The following MYO16 variants were observed in gnomAD, a reference collection of about 807,000 sequenced individuals.
MYO16 encodes myosin XVI.
Under a neutral mutation model 205.3 loss-of-function variants are expected in MYO16, and 94 were observed. That is an observed-to-expected ratio of 0.46 (90% CI 0.39 to 0.54). The LOEUF (loss-of-function observed/expected upper bound fraction) is 0.54. Ranked by LOEUF, MYO16 falls within the 20% of genes least tolerant of loss-of-function variation. The probability of loss-of-function intolerance (pLI) is 0.00; values close to 1 mark genes in which losing one functional copy is unlikely to be tolerated. For missense variants in MYO16, 2,315 were observed against 2,387.5 expected (o/e 0.97, Z 0.63); for synonymous variants, 988 against 954.0 (o/e 1.04, Z -0.66).
At chr13:108,907,732 T>C (rs562219995) in intron 15 of MYO16, among the ~76,000 whole-genome samples, 1 of 152,232 alleles carries the variant, frequency 6.6e-6, no homozygotes, top group Non-Finnish European at 1.5e-5. Flanking sequence ...ACCAGGTTGA[T>C]TAATAATTAC....
intron 1 of MYO16, among the ~76,000 whole-genome samples, chr13:108,645,278 G>A (rs1461309592): frequency 2.0e-5 from 3 of 152,192 alleles, no homozygotes; most frequent in African/African-American, 4.8e-5. Context: ...AAGAGATTGA[G>A]TCATCAATAG....
chr13:109,144,286 AT>A (rs1433205524), intron 32 of MYO16, among the ~76,000 whole-genome samples: 1 of 152,128 alleles, frequency 6.6e-6, no homozygotes, highest in Non-Finnish European at 1.5e-5. Context: ...AAGTGCTGGG[AT>A]TACAGACGTG....
chr13:109,007,539 C>CGT (rs71125360), intron 21 of MYO16, among the ~76,000 whole-genome samples: 1,642 of 133,664 alleles, frequency 0.012, 23 homozygotes, highest in African/African-American at 0.028. Flanking sequence ...AGAAATCAGC[C>CGT]GTGTGTGTGT....
At chr13:108,603,073 A>G (rs1031216358) in intron 1 of MYO16, among the ~76,000 whole-genome samples, 1 of 152,226 alleles carries the variant, frequency 6.6e-6, no homozygotes, top group African/African-American at 2.4e-5. Context: ...AAAATGAATT[A>G]TGAGGGATTT....
At position 109,206,655 on chromosome 13, in the gene MYO16, A is replaced by C; in HGVS notation, c.5462A>C (p.Gln1821Pro). Residue 1821 changes from glutamine (Q) to proline (P), a missense_variant, in exon 35 of 35, where the codon CAG (glutamine) becomes CCG (proline). Coordinates refer to ENST00000457511, the MANE Select transcript of MYO16 (RefSeq NM_001198950.3). The part of the protein sequence containing the change: ...RLSENESVAL[Q>P]ELLDWRRKLC... ...TCAGAGAATGAAAGTGTGGCCCTGC[A>C]GGAACTCTTGGACTGGAGGAGAAAG... is the stretch of plus-strand genomic sequence containing the variant. 1 of 1,614,118 alleles carries C rather than the reference A, an allele frequency of 6.2e-7. No individual in the cohort carries two copies.
intron 4 of MYO16, among the ~76,000 whole-genome samples, chr13:108,765,985 G>A (rs1214969180): frequency 6.6e-6 from 1 of 152,114 alleles, no homozygotes; most frequent in African/African-American, 2.4e-5. Context: ...ATAAAAATGT[G>A]TCATCACAAA....
At chr13:109,048,377 G>A (rs1436442890) in intron 24 of MYO16, 4 of 744,476 alleles carry the variant, frequency 5.4e-6, no homozygotes, top group Non-Finnish European at 1.0e-5. Flanking sequence ...AATTTACAAT[G>A]TACCCTTTTG....
At chr13:108,940,477 G>A (rs770020872) in intron 16 of MYO16, among the ~76,000 whole-genome samples, 1 of 152,118 alleles carries the variant, frequency 6.6e-6, no homozygotes, top group Non-Finnish European at 1.5e-5. Flanking sequence ...TAACAATTCT[G>A]CAAATGCACT....
rs547857192 is a variant in MYO16 at position 108,977,960 on chromosome 13, G to A, written c.2369+13058G>A. ...TTTAGGCTATTGATTTTTTTCTTCC[G>A]CAAATATATTTCAACATTTATTATT... On this transcript the variant is annotated intron_variant, in intron 20 of 34. Transcript: ENST00000457511. Among the ~76,000 whole-genome samples, 19 of 151,550 alleles carry A rather than the reference G, an allele frequency of 1.3e-4. No individual in the cohort carries two copies. In the South Asian group the frequency reaches 1.9e-3, roughly 15 times the overall value.
At chr13:108,607,026 C>A (rs530373603) in intron 1 of MYO16, among the ~76,000 whole-genome samples, 318 of 152,232 alleles carry the variant, frequency 2.1e-3, no homozygotes, top group African/African-American at 7.2e-3. Context: ...GGTCTGTAAC[C>A]CCTTTGTTTT....
chr13:108,847,844 T>C (rs1877600954), intron 10 of MYO16, among the ~76,000 whole-genome samples: 1 of 152,078 alleles, frequency 6.6e-6, no homozygotes, highest in Admixed American at 6.5e-5. Context: ...ACCTCCTGGG[T>C]TTTTTCATTT....
At chr13:108,728,775 C>G (rs1485275116) in intron 4 of MYO16, among the ~76,000 whole-genome samples, 1 of 149,642 alleles carries the variant, frequency 6.7e-6, no homozygotes, top group African/African-American at 2.5e-5. Context: ...CCTTATTCCC[C>G]AATAAGATCG....
the MYO16 span, among the ~76,000 whole-genome samples, chr13:108,567,496 G>A: frequency 2.6e-5 from 4 of 152,046 alleles, no homozygotes; most frequent in East Asian, 7.7e-4. Context: ...ATGTGGGAGT[G>A]GAGAAAGAAT....
chr13:108,570,973 A>G, the MYO16 span, among the ~76,000 whole-genome samples: 1 of 152,200 alleles, frequency 6.6e-6, no homozygotes, highest in South Asian at 2.1e-4. Context: ...TATCAAAAAC[A>G]TCTTAAGAAA....
chr13:108,887,292 ATAAT>A (rs1430265771), intron 13 of MYO16, among the ~76,000 whole-genome samples: 2 of 152,234 alleles, frequency 1.3e-5, no homozygotes, highest in Non-Finnish European at 2.9e-5. Flanking sequence ...CTTTAAACAA[ATAAT>A]TAAATTTCAA....
chr13:108,706,099 T>C (rs187329884), intron 2 of MYO16, among the ~76,000 whole-genome samples: 1 of 152,294 alleles, frequency 6.6e-6, no homozygotes. Context: ...GATATAGTTA[T>C]CAGATTTGAT....
At chr13:108,859,494 T>C (rs1387675916) in intron 11 of MYO16, among the ~76,000 whole-genome samples, 1 of 152,214 alleles carries the variant, frequency 6.6e-6, no homozygotes, top group Non-Finnish European at 1.5e-5. Context: ...ATTTTTTTTA[T>C]AGTATGATCT....
chr13:109,205,672 G>A (rs1255398776), intron 34 of MYO16, among the ~76,000 whole-genome samples: 4 of 152,106 alleles, frequency 2.6e-5, no homozygotes, highest in Non-Finnish European at 5.9e-5. Context: ...TCTGGCGGCT[G>A]GCAGAAGAAG....
intron 2 of MYO16, among the ~76,000 whole-genome samples, chr13:108,688,383 C>T (rs993883653): frequency 1.2e-4 from 18 of 152,140 alleles, no homozygotes; most frequent in Admixed American, 2.0e-4. Context: ...CATATGAATA[C>T]GAATTTGAGG....
Sources: gnomAD v4.1 joint callset for allele counts (sites outside exome capture counted in the v4.1 genomes callset) on GRCh38, gnomAD v4.1.1 for gene constraint, MANE v1.5 for transcripts, NCBI Gene and HGNC (gene_info 2026-07-23, HGNC 2026-07-21) for gene names.